Variants in HUWE1 observed in about 807,000 individuals in gnomAD.
The protein encoded by HUWE1 is HECT, UBA and WWE domain containing E3 ubiquitin protein ligase 1.
A neutral mutation model predicts 299.4 loss-of-function variants in HUWE1; 18 were observed. The observed-to-expected ratio is 0.06, with a 90% CI of 0.04 to 0.09. The LOEUF is 0.09. Among genes scored for constraint, HUWE1 ranks in the 10% least tolerant of loss-of-function variants. The pLI is 1.00. For missense variants in HUWE1, 1,832 were observed against 3,462.3 expected (o/e 0.53, Z 11.82); for synonymous variants, 1,317 against 1,286.1 (o/e 1.02, Z -0.51).
intron 6 of HUWE1, among the ~76,000 whole-genome samples, chrX:53,646,493 A>G (rs1389395315): frequency 9.0e-6 from 1 of 111,592 alleles, no homozygotes; most frequent in Non-Finnish European, 1.9e-5. Context: ...AAATTCACCA[A>G]TACATTGAAG....
intron 17 of HUWE1, chrX:53,626,103 G>C (rs1603186312): frequency 2.9e-6 from 1 of 343,848 alleles, no homozygotes; most frequent in South Asian, 2.8e-5. Flanking sequence ...AATTTTGTTT[G>C]AGAAAATTTC....
intron 3 of HUWE1, among the ~76,000 whole-genome samples, chrX:53,672,758 A>C (rs1310253488): frequency 8.9e-6 from 1 of 112,112 alleles, no homozygotes; most frequent in Non-Finnish European, 1.9e-5. Flanking sequence ...AATTTTTCAT[A>C]CAAAATTGAA....
rs1557019272 is a variant in HUWE1 at position 53,627,778 on chromosome X, T to C, written c.1344A>G (p.Gln448=). ...LITNLDMAAF[Q]SHSGLSIFIY... The stretch of plus-strand genomic sequence containing the variant: ...TGAAGATAGAAAGTCCACTATGGGA[T>C]TGAAAAGCTGCCATATCCAGGTTGG... Residue 448 remains glutamine, a synonymous_variant, in exon 16 of 84, where the codon CAA becomes CAG. Coordinates refer to ENST00000262854, the MANE Select transcript of HUWE1 (RefSeq NM_031407.7). 3 of 1,203,273 alleles carry C rather than the reference T, an allele frequency of 2.5e-6. No homozygotes were observed. Among genetic ancestry groups the C allele is most frequent in the East Asian group, 3.0e-5 (1 of 33,809 alleles).
Position 53,630,923 on chromosome X carries a change from T to G in HUWE1, c.862+12A>C, listed in dbSNP as rs782809271. ...CTAATACGGCCTGGTAATTAAAGTA[T>G]TCTTCTCTTACCTAATATAGATATT... On this transcript the variant is annotated intron_variant, in intron 12 of 83. Coordinates refer to ENST00000262854, the MANE Select transcript of HUWE1 (RefSeq NM_031407.7). 9.8e-7 allele frequency: 1 copy of G among 1,018,589 alleles called. No individual in the cohort carries two copies. Among genetic ancestry groups the G allele is most frequent in the Admixed American group, 2.2e-5 (1 of 45,779 alleles). The allele number at this position is 1,018,589 out of a possible 1,213,427, so 83.9% of individuals were successfully genotyped here. A position where few individuals can be genotyped will look rare whatever the true frequency, so the allele number is the denominator to read the frequency against.
intron 29 of HUWE1, among the ~76,000 whole-genome samples, chrX:53,598,819 A>G (rs1569481807): frequency 8.9e-6 from 1 of 111,893 alleles, no homozygotes; most frequent in Non-Finnish European, 1.9e-5. Context: ...ATGCACATAT[A>G]AACTCAGTGT....
rs1371682423 is a variant in HUWE1, at chrX:53,542,429, G to A, written c.11476+14C>T. The A allele has an allele frequency of 9.1e-7, 1 of 1,093,118 alleles. No individual in the cohort carries two copies. 90.1% of individuals were successfully genotyped at this position (1,093,118 alleles called of 1,213,427 possible). On this transcript the variant is annotated intron_variant, in intron 74 of 83. Transcript: ENST00000262854. ...ATCCCTTTTGCTCGGCTGGAAACAG[G>A]AAGTAGTACTGACCAATGGATTGAG...
intron 40 of HUWE1, among the ~76,000 whole-genome samples, 164 bp downstream of exon 40, chrX:53,584,848 T>C (rs1000520515): frequency 8.9e-6 from 1 of 111,818 alleles, no homozygotes; most frequent in Non-Finnish European, 1.9e-5. Flanking sequence ...GGAAGAAGAA[T>C]TGTCTTGGGC....
chrX:53,590,435 A>G lies in HUWE1; in HGVS notation c.4160T>C (p.Ile1387Thr). 8.3e-7 allele frequency: 1 copy of G among 1,207,108 alleles called. No individual in the cohort carries two copies. The highest frequency in any genetic ancestry group is 1.1e-6 in the Non-Finnish European group (1 of 891,136). Residue 1387 changes from isoleucine to threonine, a missense_variant, in exon 35 of 84, where the codon ATT becomes ACT. By Grantham distance (89) the Ile-to-Thr change is moderately conservative. This residue lies in a region of HUWE1 where 658 missense variants were observed against 1,282.6 expected (regional missense o/e 0.51). Transcript: ENST00000262854. The part of the protein sequence containing the change: ...RAIAMSLGQD[I>T]PMDQRAESPE... ...TGACTCTGCCCTTTGATCCATTGGAATATCCTGTCCCAGAGACATAGCAAT... is the reference window on the plus strand; with the variant it reads ...TGACTCTGCCCTTTGATCCATTGGAGTATCCTGTCCCAGAGACATAGCAAT...
chrX:53,654,175 A>C (rs1308462943), intron 3 of HUWE1, 44 bp from the exon 4 acceptor site: 18 of 788,203 alleles, frequency 2.3e-5, no homozygotes, highest in Non-Finnish European at 3.3e-5. Context: ...TTAAAGCTAC[A>C]ATCTTGAGCT....
At chrX:53,577,795 A>T (rs1375090393) in intron 43 of HUWE1, among the ~76,000 whole-genome samples, 1 of 114,439 alleles carries the variant, frequency 8.7e-6, no homozygotes, top group African/African-American at 3.2e-5. Context: ...AGGCGCCGGG[A>T]TTGCAGACGG....
chrX:53,613,037 C>T (rs1480482321), intron 23 of HUWE1, among the ~76,000 whole-genome samples: 2 of 111,072 alleles, frequency 1.8e-5, no homozygotes, highest in Admixed American at 9.6e-5. Context: ...GGAAAAGGAA[C>T]CCCACACTCC....
chrX:53,658,884 TA>T (rs1205153095), intron 3 of HUWE1, among the ~76,000 whole-genome samples: 6 of 112,608 alleles, frequency 5.3e-5, no homozygotes, highest in Non-Finnish European at 9.4e-5. Context: ...CAAGCTGATT[TA>T]AAAATGGGCC....
chrX:53,579,753 G>T (rs2063512178), intron 43 of HUWE1: 1 of 100,171 alleles, frequency 1.0e-5, no homozygotes, highest in Non-Finnish European at 2.0e-5. Flanking sequence ...AAGGCAGCAT[G>T]CTCGTTAAGA....
At chrX:53,645,732 AAAAAATATATATATAT>A (rs1489660074) in intron 6 of HUWE1, among the ~76,000 whole-genome samples, 3 of 17,746 alleles carry the variant, frequency 1.7e-4, no homozygotes, top group Non-Finnish European at 3.4e-4. Context: ...AAAAAAAAAA[AAAAAATATATATATAT>A]ATATATATAT....
chrX:53,567,376 G>A (rs781848724), intron 49 of HUWE1, among the ~76,000 whole-genome samples: 33 of 107 alleles, frequency 0.31, no homozygotes, highest in South Asian at 0.58. Context: ...GGTCAAAGGT[G>A]TAATAATTTT....
chrX:53,599,461 C>T (rs2064698515), intron 29 of HUWE1, among the ~76,000 whole-genome samples: 1 of 111,190 alleles, frequency 9.0e-6, no homozygotes, highest in Non-Finnish European at 1.9e-5. Flanking sequence ...AATTTACGAA[C>T]ACACAAATAG....
chrX:53,540,751 C>T (rs1353306795), intron 74 of HUWE1, among the ~76,000 whole-genome samples: 1 of 111,852 alleles, frequency 8.9e-6, no homozygotes, highest in African/African-American at 3.3e-5. Context: ...CTTATTCTAA[C>T]CTCTGCTCAG....
chrX:53,685,204 T>A (rs782341608), intron 2 of HUWE1, among the ~76,000 whole-genome samples: 2 of 112,413 alleles, frequency 1.8e-5, no homozygotes, highest in African/African-American at 6.5e-5. Context: ...TTTAAAATAT[T>A]TTTTTTCAGT....
chrX:53,533,045 G>A lies in HUWE1; in HGVS notation c.*264C>T. 1 of 385,944 alleles carries A rather than the reference G, an allele frequency of 2.6e-6. No individual in the cohort carries two copies. Among genetic ancestry groups the A allele is most frequent in the South Asian group, 3.7e-5 (1 of 27,037 alleles). 31.8% of individuals were successfully genotyped at this position (385,944 alleles called of 1,213,427 possible). A position where few individuals can be genotyped will look rare whatever the true frequency, so the allele number is the denominator to read the frequency against. On this transcript the variant is annotated 3_prime_UTR_variant, in exon 84 of 84. Transcript: ENST00000262854. ...GTTGGGACAGACAGGTCCCTGCAAA[G>A]GCTACTGCCTTTTTAAAACACATGG...
Sources: allele counts gnomAD v4.1 joint callset (sites outside exome capture counted in the v4.1 genomes callset), GRCh38; gene constraint gnomAD v4.1.1; regional missense constraint gnomAD v4.1.1; transcripts MANE v1.5; gene names NCBI Gene and HGNC (gene_info 2026-07-23, HGNC 2026-07-21).